Variants in ITGA6 observed in about 807,000 individuals in gnomAD.
The protein encoded by ITGA6 is integrin alpha-6.
ITGA6 carries 63 observed loss-of-function variants against 133.6 expected under a neutral mutation model. That is an observed-to-expected ratio of 0.47 (90% CI 0.38 to 0.58). The LOEUF (loss-of-function observed/expected upper bound fraction) is 0.58. ITGA6 is among the 20% of genes least tolerant of loss of function. ITGA6 has a pLI of 0.00. For synonymous variants in ITGA6, 434 were observed against 482.0 expected, an observed-to-expected ratio of 0.90 and a Z score of 1.30; for missense variants, 1,068 against 1,309.4, an observed-to-expected ratio of 0.82 and a Z score of 2.85.
At chr2:172,500,392 A>C (rs1687299592) in intron 24 of ITGA6, among the ~76,000 whole-genome samples, 1 of 152,164 alleles carries the variant, frequency 6.6e-6, no homozygotes, top group African/African-American at 2.4e-5. Flanking sequence ...GGATTACAGC[A>C]CTTTGTGGCA....
chr2:172,428,389 C>G (rs58343482), intron 1 of ITGA6: 1 of 152,572 alleles, frequency 6.6e-6, no homozygotes, highest in Non-Finnish European at 1.5e-5. Context: ...AGCGTAGTTC[C>G]AGGATGGTCT....
chr2:172,487,842 T>C (rs1036380225), intron 17 of ITGA6, 35 bp downstream of exon 17: 44 of 1,535,110 alleles, frequency 2.9e-5, no homozygotes, highest in Non-Finnish European at 3.9e-5. Context: ...TTCAGAATTA[T>C]TTCATGAAAA....
intron 24 of ITGA6, 34 bp from the exon 25 acceptor site, chr2:172,501,738 T>C (rs1294949114): frequency 6.2e-7 from 1 of 1,606,340 alleles, no homozygotes; most frequent in Admixed American, 1.7e-5. Flanking sequence ...TACACAAAAC[T>C]GTAAAATTGA....
In ITGA6 at chr2:172,499,929, GTTTTGTTTTTGT is replaced by G. The variant is rs1418748933; in HGVS notation, c.3114+1834_3115-1827del. On this transcript the variant is annotated intron_variant, in intron 24 of 25. Coordinates refer to ENST00000684293, the MANE Select transcript of ITGA6 (RefSeq NM_000210.4). The stretch of plus-strand genomic sequence containing the variant: ...TGATTTCATTATTTTGGGAGTTTTT[GTTTTGTTTTTGT>G]TTTTTTGAAGCTCTGAAGTGTCCAG... Among the ~76,000 whole-genome samples, 5 of 102,584 alleles carry G rather than the reference GTTTTGTTTTTGT, an allele frequency of 4.9e-5. No homozygotes were observed. The East Asian group carries it at 2.7e-3, about 55-fold the overall frequency. 67.3% of individuals were successfully genotyped at this position (102,584 alleles called of 152,430 possible). A position where few individuals can be genotyped will look rare whatever the true frequency, so the allele number is the denominator to read the frequency against.
chr2:172,445,780 T>C (rs1684744836), intron 1 of ITGA6, among the ~76,000 whole-genome samples: 1 of 152,154 alleles, frequency 6.6e-6, no homozygotes, highest in African/African-American at 2.4e-5. Context: ...CAGGACTTGC[T>C]CTCTTATTGC....
At chr2:172,496,486 G>A (rs958853817) in intron 23 of ITGA6, among the ~76,000 whole-genome samples, 2 of 152,154 alleles carry the variant, frequency 1.3e-5, no homozygotes, top group Non-Finnish European at 2.9e-5. Flanking sequence ...TCCTAGAAGT[G>A]GAAAGGGAAG....
chr2:172,466,385 C>T (rs191142735), intron 2 of ITGA6, among the ~76,000 whole-genome samples: 177 of 152,198 alleles, frequency 1.2e-3, no homozygotes, highest in African/African-American at 4.1e-3. Flanking sequence ...TTTGGGAGGC[C>T]GAGTTGGGTG....
chr2:172,464,820 G>A (rs531897780), intron 1 of ITGA6, among the ~76,000 whole-genome samples: 1 of 152,200 alleles, frequency 6.6e-6, no homozygotes, highest in Admixed American at 6.5e-5. Context: ...GAGAGAGGAC[G>A]AACTCTTGTA....
At chr2:172,477,197 T>C (rs1280308457) in intron 9 of ITGA6, among the ~76,000 whole-genome samples, 1 of 152,150 alleles carries the variant, frequency 6.6e-6, no homozygotes, top group East Asian at 1.9e-4. Context: ...AATTCCTGGA[T>C]GTGAAATTGA....
At chr2:172,478,216 T>C (rs1686263991) in intron 9 of ITGA6, among the ~76,000 whole-genome samples, 1 of 151,960 alleles carries the variant, frequency 6.6e-6, no homozygotes. Flanking sequence ...TAAAGGAAAA[T>C]GGAAAAACAG....
chr2:172,499,019 C>T (rs1046414528), intron 24 of ITGA6, among the ~76,000 whole-genome samples: 1 of 152,186 alleles, frequency 6.6e-6, no homozygotes, highest in South Asian at 2.1e-4. Flanking sequence ...ATTTTGGATT[C>T]TCAAACATGT....
Position 172,491,969 on chromosome 2 carries a change from T to TA in ITGA6, c.2988+446_2988+447insA. Among the ~76,000 whole-genome samples the TA allele has an allele frequency of 6.6e-6, 1 of 152,184 alleles. No individual in the cohort carries two copies. Among genetic ancestry groups the TA allele is most frequent in the Non-Finnish European group, 1.5e-5 (1 of 68,026 alleles). On this transcript the variant is annotated intron_variant, in intron 23 of 25. Transcript: ENST00000684293. This position sits in a 1 kb window ranked among gnomAD's most constrained non-coding sequence, Gnocchi z 4.4. ...CCTCAAACAAGTCTAAAATAAGTTC[T>TA]CTCTCTTGGCCATGTAGCAGCCTCT...
intron 17 of ITGA6, 39 bp downstream of exon 17, chr2:172,487,846 A>T: frequency 1.3e-6 from 2 of 1,517,940 alleles, no homozygotes; most frequent in Non-Finnish European, 1.8e-6. Flanking sequence ...GAATTATTTC[A>T]TGAAAATATG....
At chr2:172,495,404 G>C (rs1440736933) in intron 23 of ITGA6, 2 of 152,196 alleles carry the variant, frequency 1.3e-5, no homozygotes, top group Non-Finnish European at 2.9e-5. Context: ...GGTGTGACAA[G>C]ACAGAACAAG....
chr2:172,455,123 T>C (rs974044789), intron 1 of ITGA6, among the ~76,000 whole-genome samples: 1 of 150,662 alleles, frequency 6.6e-6, no homozygotes, highest in African/African-American at 2.5e-5. Flanking sequence ...TAAGATAAGA[T>C]GAAGGCTATT....
intron 1 of ITGA6, among the ~76,000 whole-genome samples, chr2:172,462,326 G>A (rs1286726454): frequency 6.6e-6 from 1 of 152,224 alleles, no homozygotes; most frequent in African/African-American, 2.4e-5. Flanking sequence ...ACCACCTGAG[G>A]TGGAGGAAGG....
intron 5 of ITGA6, among the ~76,000 whole-genome samples, chr2:172,472,597 T>C (rs1459162228): frequency 6.6e-6 from 1 of 152,184 alleles, no homozygotes; most frequent in African/African-American, 2.4e-5. Flanking sequence ...CTTCAAAAGA[T>C]CAGAGGGTTT....
chr2:172,467,670 G>A (rs1685740378), intron 3 of ITGA6, 110 bp downstream of exon 3: 2 of 838,852 alleles, frequency 2.4e-6, no homozygotes, highest in Non-Finnish European at 4.0e-6. Context: ...CGAACTTACT[G>A]CTTTAAAGCA....
rs34005395 is a variant in ITGA6 at position 172,445,338 on chromosome 2, C to CT, written c.182+17381dup. Among the ~76,000 whole-genome samples the CT allele has an allele frequency of 6.6e-3, 677 of 103,296 alleles. 4 individuals carry two copies. Among genetic ancestry groups the CT allele is most frequent in the African/African-American group, 0.021 (563 of 27,166 alleles). 67.8% of individuals were successfully genotyped at this position (103,296 alleles called of 152,430 possible). On this transcript the variant is annotated intron_variant, in intron 1 of 25. Coordinates refer to ENST00000684293, the MANE Select transcript of ITGA6 (RefSeq NM_000210.4). ...TCTAAATCTGTTGTCTTTTTCTTTTCTTTTTTTTTTTTTAACAAAAAAAAA... is the reference window on the plus strand; with the variant it reads ...TCTAAATCTGTTGTCTTTTTCTTTTCTTTTTTTTTTTTTTAACAAAAAAAAA...
Sources: allele counts gnomAD v4.1 joint callset (sites outside exome capture counted in the v4.1 genomes callset), GRCh38; gene constraint gnomAD v4.1.1; non-coding constraint Gnocchi (gnomAD v3.1); transcripts MANE v1.5; gene names NCBI Gene and HGNC (gene_info 2026-07-23, HGNC 2026-07-21).